The following PMPCB variants were observed in gnomAD, a reference collection of about 807,000 sequenced individuals.
PMPCB encodes mitochondrial-processing peptidase subunit beta.
In PMPCB, 46 loss-of-function variants were observed where a neutral mutation model predicts 61.5. That is an observed-to-expected ratio of 0.75 (90% CI 0.59 to 0.96). PMPCB has a LOEUF of 0.96. PMPCB is among the 40% of genes least tolerant of loss of function. PMPCB has a pLI of 0.00. For missense variants in PMPCB, 590 were observed against 602.4 expected (o/e 0.98, Z 0.22); for synonymous variants, 191 against 201.6 (o/e 0.95, Z 0.44).
At chr7:103,319,588 AGTGAT>A, downstream of PMPCB, 1 of 1,610,764 alleles carries the variant, frequency 6.2e-7, no homozygotes, top group Non-Finnish European at 8.5e-7. Flanking sequence ...TATAGGTAGG[AGTGAT>A]GTGTTCCTCT....
chr7:103,311,374 G>GA (rs1229194568), intron 9 of PMPCB: 2 of 470,580 alleles, frequency 4.3e-6, no homozygotes, highest in African/African-American at 4.0e-5. Flanking sequence ...GAGGACTCAT[G>GA]AAGTCTCAAG....
At chr7:103,319,878 TCAAAAATA>T in intron 12 of PMPCB, 2 of 1,599,536 alleles carry the variant, frequency 1.3e-6, no homozygotes, top group Non-Finnish European at 1.7e-6. Context: ...GTATCTACAC[TCAAAAATA>T]CATCCATCAA....
At position 103,312,904 on chromosome 7, in the gene PMPCB, A is replaced by C; in HGVS notation, c.*633A>C. 6.3e-7 allele frequency: 1 copy of C among 1,583,064 alleles called. No individual in the cohort carries two copies. Among genetic ancestry groups the C allele is most frequent in the South Asian group, 1.2e-5 (1 of 85,136 alleles). On this transcript the variant is annotated 3_prime_UTR_variant, in exon 13 of 13. Transcript: ENST00000249269. ...AAATATGAGCTATATCACCCAAGCT[A>C]CAATTTAAAATACAACAATCTATAA...
downstream of PMPCB, chr7:103,319,660 T>C (rs369916864): frequency 1.2e-6 from 2 of 1,613,990 alleles, no homozygotes; most frequent in African/African-American, 2.7e-5. Context: ...ATGTGAGTGT[T>C]TCATTCAAGC....
chr7:103,328,782 C>G, intron 12 of PMPCB: 1 of 276,452 alleles, frequency 3.6e-6, no homozygotes, highest in Non-Finnish European at 7.0e-6. Flanking sequence ...CTGCTTAATA[C>G]AGTATTTCAA....
chr7:103,311,701 A>AAAAC lies in PMPCB; in HGVS notation c.1219_1222dup (p.Met408LysfsTer7). On this transcript the variant is annotated frameshift_variant, in exon 10 of 13. Coordinates refer to ENST00000249269, the MANE Select transcript of PMPCB (RefSeq NM_004279.3). LOFTEE classifies it high-confidence loss of function. ...GGTTGCACGAGCCAGAAATCTTCTG[A>AAAAC]AAACAAACATGTTGTTGCAGCTTGA... is the stretch of plus-strand genomic sequence containing the variant. 1 of 1,614,022 alleles carries AAAAC rather than the reference A, an allele frequency of 6.2e-7. No homozygotes were observed. Among genetic ancestry groups the AAAAC allele is most frequent in the Non-Finnish European group, 8.5e-7 (1 of 1,179,872 alleles).
intron 12 of PMPCB, among the ~76,000 whole-genome samples, chr7:103,321,721 C>T (rs527607796): frequency 6.6e-6 from 1 of 152,030 alleles, no homozygotes; most frequent in African/African-American, 2.4e-5. Flanking sequence ...TGGTGGCACA[C>T]GCCTGTAATC....
chr7:103,298,477 A>G, intron 1 of PMPCB, 91 bp from the exon 2 acceptor site: 2 of 1,270,304 alleles, frequency 1.6e-6, no homozygotes, highest in Non-Finnish European at 2.2e-6. Context: ...GAGACAGCCT[A>G]TTTAAAATAG....
intron 6 of PMPCB, among the ~76,000 whole-genome samples, chr7:103,306,609 C>T (rs1563447653): frequency 6.6e-6 from 1 of 151,988 alleles, no homozygotes; most frequent in Non-Finnish European, 1.5e-5. Context: ...CTACCTCTAC[C>T]TCTGACCTCA....
chr7:103,342,058 G>A, the PMPCB span: 5 of 858,112 alleles, frequency 5.8e-6, no homozygotes, highest in South Asian at 1.3e-4. Flanking sequence ...AGTGATACCA[G>A]CATATACTTT....
intron 12 of PMPCB, among the ~76,000 whole-genome samples, chr7:103,323,362 ACTGAGCTAT>A (rs1165495072): frequency 6.6e-6 from 1 of 152,230 alleles, no homozygotes; most frequent in East Asian, 1.9e-4. Context: ...ATTTTGCTGA[ACTGAGCTAT>A]CTGACATTAT....
chr7:103,332,083 C>A (rs976078761), downstream of PMPCB, among the ~76,000 whole-genome samples: 3 of 151,350 alleles, frequency 2.0e-5, no homozygotes, highest in African/African-American at 7.3e-5. Flanking sequence ...TGGCTCACTG[C>A]ATGCTCTGCC....
At chr7:103,347,019 T>G in the PMPCB span, among the ~76,000 whole-genome samples, 3 of 152,234 alleles carry the variant, frequency 2.0e-5, no homozygotes, top group African/African-American at 7.2e-5. Context: ...CATCCAGAAA[T>G]CGAATTGCTA....
rs551850088 is a variant in PMPCB at position 103,308,057 on chromosome 7, C to T, written c.849+349C>T. 1.5e-4 allele frequency among the ~76,000 whole-genome samples: 23 copies of T among 152,260 alleles called. No individual in the cohort carries two copies. The South Asian group carries it at 2.5e-3, about 16-fold the overall frequency. On this transcript the variant is annotated intron_variant, in intron 7 of 12. Transcript: ENST00000249269. ...TATCTGGAAGTAATCTTTTAAACCC[C>T]GTATTTTGACTTTCACTTCAGGTTT...
chr7:103,330,672 G>A (rs183372676), downstream of PMPCB, among the ~76,000 whole-genome samples: 320 of 150,118 alleles, frequency 2.1e-3, 2 homozygotes, highest in Middle Eastern at 0.026. Context: ...GGCTGGTCTC[G>A]AACTCCTGAC....
chr7:103,328,571 C>T (rs934108237), intron 12 of PMPCB, among the ~76,000 whole-genome samples: 2 of 152,068 alleles, frequency 1.3e-5, no homozygotes, highest in African/African-American at 4.8e-5. Context: ...GTGGAGGCTG[C>T]AGTGAGCTGA....
chr7:103,308,349 C>T (rs1229324646), intron 7 of PMPCB, among the ~76,000 whole-genome samples: 5 of 152,186 alleles, frequency 3.3e-5, no homozygotes, highest in East Asian at 1.9e-4. Context: ...AGGCCGGGTG[C>T]GGTGGCTTAC....
At chr7:103,340,987 T>C in the PMPCB span, among the ~76,000 whole-genome samples, 1,266 of 152,302 alleles carry the variant, frequency 8.3e-3, 12 homozygotes, top group African/African-American at 0.029. Flanking sequence ...AGCAGGTCAC[T>C]CAAGCGCTAA....
rs1249372431 is a variant in PMPCB at position 103,314,170 on chromosome 7, T to C, written c.*1899T>C. The C allele has an allele frequency of 1.0e-6, 1 of 985,320 alleles. No homozygotes were observed. Among genetic ancestry groups the C allele is most frequent in the East Asian group, 1.1e-4 (1 of 8,830 alleles). 61.0% of individuals were successfully genotyped at this position (985,320 alleles called of 1,614,324 possible). A position where few individuals can be genotyped will look rare whatever the true frequency, so the allele number is the denominator to read the frequency against. ...GGAAGTCTTTTGTTGAATTTCCTTG[T>C]ATTGGTTTAAAGCCCTAAATACCAT... On this transcript the variant is annotated 3_prime_UTR_variant, in exon 13 of 13. Coordinates refer to ENST00000249269, the MANE Select transcript of PMPCB (RefSeq NM_004279.3).
Sources: gnomAD v4.1 joint callset for allele counts (sites outside exome capture counted in the v4.1 genomes callset) on GRCh38, gnomAD v4.1.1 for gene constraint, MANE v1.5 for transcripts, NCBI Gene and HGNC (gene_info 2026-07-23, HGNC 2026-07-21) for gene names.